ERC2: variants seen among roughly 807,000 people sequenced by gnomAD.
The protein encoded by ERC2 is ELKS/RAB6-interacting/CAST family member 2.
A neutral mutation model predicts 114.8 loss-of-function variants in ERC2; 42 were observed. The ratio of observed to expected loss-of-function variants is 0.37; its 90% CI spans 0.29 to 0.47. The LOEUF is 0.47. Among genes scored for constraint, ERC2 ranks in the 20% least tolerant of loss-of-function variants. The pLI is 0.99. For missense variants in ERC2, 939 were observed against 1,150.7 expected, an observed-to-expected ratio of 0.82 and a Z score of 2.66; for synonymous variants, 454 against 425.5, an observed-to-expected ratio of 1.07 and a Z score of -0.82.
At chr3:55,685,234 G>C (rs932851804) in intron 16 of ERC2, among the ~76,000 whole-genome samples, 23 of 152,274 alleles carry the variant, frequency 1.5e-4, no homozygotes, top group Admixed American at 6.5e-4. Context: ...GCCCACGAAG[G>C]TTACAAATCC....
chr3:55,635,797 A>T (rs2148640272), intron 17 of ERC2, among the ~76,000 whole-genome samples: 1 of 152,336 alleles, frequency 6.6e-6, no homozygotes, highest in African/African-American at 2.4e-5. Context: ...ATAAGTGGCA[A>T]CTTCACTCAT....
chr3:55,935,541 A>G (rs1268415430), intron 13 of ERC2, among the ~76,000 whole-genome samples: 16 of 152,344 alleles, frequency 1.1e-4, no homozygotes, highest in East Asian at 9.7e-4. Flanking sequence ...CCTTGCTCAC[A>G]TAAGTGCTAT....
At chr3:55,687,726 C>A (rs995480109) in intron 16 of ERC2, among the ~76,000 whole-genome samples, 1 of 152,198 alleles carries the variant, frequency 6.6e-6, no homozygotes, top group African/African-American at 2.4e-5. Flanking sequence ...CAGGACTTTG[C>A]AACGTTTGGC....
intron 2 of ERC2, among the ~76,000 whole-genome samples, chr3:56,343,942 A>T (rs1042510513): frequency 6.6e-6 from 1 of 152,154 alleles, no homozygotes; most frequent in African/African-American, 2.4e-5. Context: ...CAAAGAAAGG[A>T]TTACTTATTT....
chr3:55,691,573 A>AAAATATATAT (rs1553631525), intron 16 of ERC2, among the ~76,000 whole-genome samples: 2 of 39,744 alleles, frequency 5.0e-5, no homozygotes, highest in Non-Finnish European at 9.3e-5. Context: ...AAAAAAAAAA[A>AAAATATATAT]ATATATATAT....
chr3:56,222,741 C>T (rs2049998399), intron 3 of ERC2, among the ~76,000 whole-genome samples: 1 of 152,168 alleles, frequency 6.6e-6, no homozygotes, highest in African/African-American at 2.4e-5. Context: ...GAATGATAAA[C>T]AAATGCTATA....
intron 1 of ERC2, among the ~76,000 whole-genome samples, chr3:56,442,466 C>T (rs1010040242): frequency 1.3e-5 from 2 of 152,012 alleles, no homozygotes; most frequent in African/African-American, 4.8e-5. Flanking sequence ...AGTGATCCAC[C>T]CACCTCAGCC....
At chr3:56,206,205 A>G (rs1321541888) in intron 3 of ERC2, among the ~76,000 whole-genome samples, 2 of 37,778 alleles carry the variant, frequency 5.3e-5, no homozygotes, top group Non-Finnish European at 9.8e-5. Context: ...ACACACATAC[A>G]CACACACACA....
chr3:55,655,847 C>G (rs2060835153), intron 17 of ERC2, among the ~76,000 whole-genome samples: 1 of 152,218 alleles, frequency 6.6e-6, no homozygotes, highest in South Asian at 2.1e-4. Context: ...ATGAGTGCAA[C>G]CACGTCAGGT....
At chr3:56,372,550 A>G (rs926231260) in intron 2 of ERC2, among the ~76,000 whole-genome samples, 2 of 152,104 alleles carry the variant, frequency 1.3e-5, no homozygotes, top group African/African-American at 4.8e-5. Context: ...CAACATGGCA[A>G]AACCCCATCT....
rs946618625 is a variant in ERC2, at chr3:55,587,105, A to G, written c.*40-75829T>C. 5.3e-5 allele frequency among the ~76,000 whole-genome samples: 8 copies of G among 152,308 alleles called. No homozygotes were observed. In the East Asian group the frequency reaches 1.3e-3, roughly 26 times the overall value. On this transcript the variant is annotated intron_variant, in intron 17 of 17. Coordinates refer to ENST00000288221, the MANE Select transcript of ERC2 (RefSeq NM_015576.3). ...TTTTAAACAAATGTTATCATACTGC[A>G]TGTATCATTATATAACTTGCCCCTT...
intron 15 of ERC2, among the ~76,000 whole-genome samples, chr3:55,729,864 A>AAAAAAAAAAAAAAAAAAAAG: frequency 6.9e-6 from 1 of 145,682 alleles, no homozygotes; most frequent in African/African-American, 2.7e-5. Flanking sequence ...AAAAAAAAAA[A>AAAAAAAAAAAAAAAAAAAAG]ATTGTAAGCT....
chr3:56,061,956 G>A (rs1313920273), intron 7 of ERC2, among the ~76,000 whole-genome samples: 1 of 152,106 alleles, frequency 6.6e-6, no homozygotes, highest in African/African-American at 2.4e-5. Flanking sequence ...ACTTAAATTA[G>A]CAAATAAACA....
chr3:56,256,217 A>G (rs184456968), intron 3 of ERC2, among the ~76,000 whole-genome samples: 232 of 152,376 alleles, frequency 1.5e-3, no homozygotes, highest in Non-Finnish European at 2.4e-3. Context: ...AGAGACAACT[A>G]GGAACAACCA....
rs562423893 is a variant in ERC2, at chr3:55,648,537, G to A, written c.*39+35257C>T. On this transcript the variant is annotated intron_variant, in intron 17 of 17. Transcript: ENST00000288221. ...AGCCACAGAGATGTGTCTCGCAGGC[G>A]GCTGCCTCCAAGGGCCACTTGAAAG... Among the ~76,000 whole-genome samples, 373 of 152,290 alleles carry A rather than the reference G, an allele frequency of 2.4e-3. 2 individuals are homozygous for A. Among genetic ancestry groups the A allele is most frequent in the African/African-American group, 8.8e-3 (367 of 41,570 alleles).
intron 14 of ERC2, among the ~76,000 whole-genome samples, chr3:55,865,118 G>T (rs773936267): frequency 6.6e-6 from 1 of 152,042 alleles, no homozygotes; most frequent in South Asian, 2.1e-4. Flanking sequence ...AAAGCCCTTT[G>T]TATATATCTA....
intron 7 of ERC2, among the ~76,000 whole-genome samples, chr3:56,027,224 C>T (rs950975996): frequency 9.2e-5 from 14 of 151,928 alleles, no homozygotes; most frequent in African/African-American, 3.1e-4. Context: ...TGCTGAAGGA[C>T]ATTTCAGTTG....
chr3:56,110,106 T>C (rs1480009177), intron 6 of ERC2, among the ~76,000 whole-genome samples: 4 of 152,182 alleles, frequency 2.6e-5, no homozygotes, highest in Non-Finnish European at 5.9e-5. Flanking sequence ...TGGAAATATA[T>C]TCAACCCTGC....
chr3:55,991,823 G>T (rs1224646725), intron 11 of ERC2, among the ~76,000 whole-genome samples: 1 of 152,204 alleles, frequency 6.6e-6, no homozygotes, highest in Non-Finnish European at 1.5e-5. Context: ...ACTCAAGAAA[G>T]TTGACCACTA....
Sources: gnomAD v4.1 joint callset for allele counts (sites outside exome capture counted in the v4.1 genomes callset) on GRCh38, gnomAD v4.1.1 for gene constraint, MANE v1.5 for transcripts, NCBI Gene and HGNC (gene_info 2026-07-23, HGNC 2026-07-21) for gene names.